The following DAB1 variants were observed in gnomAD, a reference collection of about 807,000 sequenced individuals.
DAB1 encodes the protein DAB adaptor protein 1.
In DAB1, 15 loss-of-function variants were observed where a neutral mutation model predicts 64.6. The ratio of observed to expected loss-of-function variants is 0.23; its 90% CI spans 0.16 to 0.36. DAB1 has a LOEUF of 0.36. Among genes scored for constraint, DAB1 ranks in the 10% least tolerant of loss-of-function variants. The pLI is 1.00. For missense variants in DAB1, 596 were observed against 706.7 expected (o/e 0.84, Z 1.78); for synonymous variants, 235 against 251.9 (o/e 0.93, Z 0.64).
intron 9 of DAB1, among the ~76,000 whole-genome samples, chr1:57,038,982 G>A (rs1286303406): frequency 1.3e-5 from 2 of 152,102 alleles, no homozygotes; most frequent in Non-Finnish European, 2.9e-5. Flanking sequence ...CTCTGCCTCT[G>A]GATTCTTGGC....
chr1:57,448,000 A>T (rs920951497), intron 7 of DAB1, among the ~76,000 whole-genome samples: 14 of 152,212 alleles, frequency 9.2e-5, no homozygotes, highest in African/African-American at 3.4e-4. Context: ...ATTAATAAAT[A>T]GGGAACAAAT....
At chr1:57,619,412 A>AT (rs952392379) in intron 7 of DAB1, among the ~76,000 whole-genome samples, 16 of 152,076 alleles carry the variant, frequency 1.1e-4, no homozygotes, top group African/African-American at 3.9e-4. Context: ...TTTATTTTTT[A>AT]TTTTTTGAGA....
chr1:58,500,563 T>C (rs1351733152), intron 3 of DAB1, among the ~76,000 whole-genome samples: 2 of 152,218 alleles, frequency 1.3e-5, no homozygotes, highest in Admixed American at 1.3e-4. Flanking sequence ...GTGATTCTGA[T>C]ATCTAAAAAT....
chr1:58,093,089 T>C (rs972763571), intron 5 of DAB1, among the ~76,000 whole-genome samples: 1 of 152,146 alleles, frequency 6.6e-6, no homozygotes, highest in Non-Finnish European at 1.5e-5. Flanking sequence ...TGCTCTCCCA[T>C]TTTGCTGGGA....
At chr1:57,517,869 G>A (rs1295079177) in intron 7 of DAB1, among the ~76,000 whole-genome samples, 2 of 152,016 alleles carry the variant, frequency 1.3e-5, no homozygotes, top group Admixed American at 6.5e-5. Flanking sequence ...CTGAAACATC[G>A]ACTCTAAGAG....
At chr1:57,028,456 G>C (rs957300815) in intron 9 of DAB1, among the ~76,000 whole-genome samples, 2 of 152,194 alleles carry the variant, frequency 1.3e-5, no homozygotes, top group African/African-American at 4.8e-5. Flanking sequence ...GTTACCAGTA[G>C]AGTGAGGTGT....
At chr1:58,043,321 T>C (rs6687298) in intron 5 of DAB1, among the ~76,000 whole-genome samples, 69,673 of 152,028 alleles carry the variant, frequency 0.46, 16,221 homozygotes, top group African/African-American at 0.52. Flanking sequence ...TATTAGAAAA[T>C]GAATGCCTTT....
intron 5 of DAB1, among the ~76,000 whole-genome samples, chr1:57,976,992 C>T (rs1359632514): frequency 6.6e-6 from 1 of 152,154 alleles, no homozygotes; most frequent in East Asian, 1.9e-4. Flanking sequence ...ATCAGTTTCC[C>T]TTTCCTCTCC....
chr1:57,141,918 G>A (rs965237723), intron 3 of DAB1, among the ~76,000 whole-genome samples: 1 of 152,074 alleles, frequency 6.6e-6, no homozygotes, highest in Non-Finnish European at 1.5e-5. Flanking sequence ...AGGCCCTCTT[G>A]GTGTCTGGGT....
intron 4 of DAB1, among the ~76,000 whole-genome samples, chr1:58,287,218 T>C (rs1168653430): frequency 6.6e-6 from 1 of 152,080 alleles, no homozygotes; most frequent in African/African-American, 2.4e-5. Context: ...TTGGGCTTAA[T>C]ACCTAGGTGA....
chr1:57,745,106 T>C (rs1469587321), intron 6 of DAB1, among the ~76,000 whole-genome samples: 1 of 152,200 alleles, frequency 6.6e-6, no homozygotes, highest in Non-Finnish European at 1.5e-5. Flanking sequence ...AATGTCAATA[T>C]AATTATTTAT....
intron 3 of DAB1, among the ~76,000 whole-genome samples, chr1:58,410,671 GC>G (rs1467151254): frequency 1.3e-5 from 2 of 152,198 alleles, no homozygotes; most frequent in East Asian, 1.9e-4. Flanking sequence ...TTTCCAACAT[GC>G]TGTGATGCCC....
intron 4 of DAB1, among the ~76,000 whole-genome samples, chr1:58,193,524 G>A (rs1455434650): frequency 2.0e-5 from 3 of 152,132 alleles, no homozygotes; most frequent in Non-Finnish European, 4.4e-5. Flanking sequence ...ACAATTCTAT[G>A]AAATAAGTAC....
At chr1:58,098,058 T>C (rs1209505669) in intron 5 of DAB1, among the ~76,000 whole-genome samples, 3 of 152,126 alleles carry the variant, frequency 2.0e-5, no homozygotes. Flanking sequence ...AAGCAGACAG[T>C]AGAGGATGCC....
rs901364367 is a variant in DAB1 at position 57,288,278 on chromosome 1, GTGA to G, written c.67+2683_67+2685del. On this transcript the variant is annotated intron_variant, in intron 2 of 14. Transcript: ENST00000371236. Reference sequence around the variant, plus strand: ...AATAAGCAAAAATATCTATGCGATGGTGATGATGATGATGATGATACAGATGAA... The same window carrying G: ...AATAAGCAAAAATATCTATGCGATGGTGATGATGATGATGATACAGATGAA... Among the ~76,000 whole-genome samples the G allele has an allele frequency of 1.1e-3, 160 of 152,110 alleles. 1 individual carries two copies. Among genetic ancestry groups the G allele is most frequent in the African/African-American group, 3.6e-3 (149 of 41,494 alleles).
At chr1:58,336,899 C>T (rs1663130451) in intron 4 of DAB1, among the ~76,000 whole-genome samples, 2 of 152,006 alleles carry the variant, frequency 1.3e-5, no homozygotes, top group South Asian at 4.2e-4. Context: ...GATCTGGGCC[C>T]AACACTTTAG....
At chr1:57,785,597 T>C (rs1213046212) in intron 6 of DAB1, among the ~76,000 whole-genome samples, 1 of 152,140 alleles carries the variant, frequency 6.6e-6, no homozygotes, top group Non-Finnish European at 1.5e-5. Flanking sequence ...ACTGCAGATG[T>C]GGTGGAACTA....
chr1:57,129,290 A>G (rs572699426), intron 4 of DAB1, among the ~76,000 whole-genome samples: 17 of 152,212 alleles, frequency 1.1e-4, no homozygotes, highest in African/African-American at 2.9e-4. Context: ...GACAGTGCCA[A>G]TTTCTAAAAA....
At chr1:58,081,539 T>C (rs1015936393) in intron 5 of DAB1, among the ~76,000 whole-genome samples, 1 of 152,334 alleles carries the variant, frequency 6.6e-6, no homozygotes, top group East Asian at 1.9e-4. Flanking sequence ...CAGCTTGAAG[T>C]TGACAATTAT....
Sources: allele counts gnomAD v4.1 joint callset (sites outside exome capture counted in the v4.1 genomes callset), GRCh38; gene constraint gnomAD v4.1.1; transcripts MANE v1.5; gene names NCBI Gene and HGNC (gene_info 2026-07-23, HGNC 2026-07-21).